The following TSPEAR variants were observed in gnomAD, a reference collection of about 807,000 sequenced individuals.
TSPEAR encodes thrombospondin type laminin G domain and EAR repeats.
Under a neutral mutation model 71.6 loss-of-function variants are expected in TSPEAR, and 69 were observed. The ratio of observed to expected loss-of-function variants is 0.96; its 90% CI spans 0.79 to 1.18. TSPEAR has a LOEUF of 1.18. TSPEAR is among the 50% of genes most tolerant of loss of function. The pLI is 0.00. For synonymous variants in TSPEAR, 402 were observed against 387.2 expected, an observed-to-expected ratio of 1.04 and a Z score of -0.45; for missense variants, 971 against 894.9, an observed-to-expected ratio of 1.09 and a Z score of -1.09.
intron 1 of TSPEAR, chr21:44,627,754 C>A (rs1287397213): frequency 2.5e-6 from 4 of 1,595,662 alleles, no homozygotes; most frequent in Non-Finnish European, 3.4e-6. Context: ...CTGCTGCAAA[C>A]CCATCTGCTG....
At chr21:44,596,030 A>C (rs1601463629) in intron 1 of TSPEAR, among the ~76,000 whole-genome samples, 1 of 152,198 alleles carries the variant, frequency 6.6e-6, no homozygotes, top group Non-Finnish European at 1.5e-5. Flanking sequence ...GTCCAGGCAC[A>C]GTTAAATTGG....
Position 44,522,116 on chromosome 21 carries a change from G to A in TSPEAR, c.1337-4C>T, listed in dbSNP as rs2052746984. The A allele has an allele frequency of 6.2e-7, 1 of 1,613,624 alleles. No homozygotes were observed. The highest frequency in any genetic ancestry group is 8.5e-7 in the Non-Finnish European group (1 of 1,179,714). Reference sequence around the variant, plus strand: ...CTGTCGATGTTGTGGTTGTCGCCTGGAACCAAGGGACTGTGCTGGGGGCAG... The same window carrying A: ...CTGTCGATGTTGTGGTTGTCGCCTGAAACCAAGGGACTGTGCTGGGGGCAG... On this transcript the variant is annotated splice_polypyrimidine_tract_variant and splice_region_variant and intron_variant, in intron 8 of 11. Transcript: ENST00000323084.
In TSPEAR at chr21:44,509,387, C is replaced by T. The variant is rs143406695; in HGVS notation, c.1567-1G>A. The T allele has an allele frequency of 3.1e-6, 5 of 1,611,442 alleles. No homozygotes were observed. The African/African-American group carries it at 5.4e-5, about 17-fold the overall frequency. ...CCTCCCAGTCTGCAGCACCGAACGT[C>T]TAGGACCAAAGGAGAGCAGGTGCAG... On this transcript the variant is annotated splice_acceptor_variant, in intron 9 of 11. Transcript: ENST00000323084. LOFTEE classifies it high-confidence loss of function.
intron 1 of TSPEAR, chr21:44,677,470 A>T: frequency 1.2e-6 from 1 of 834,300 alleles, no homozygotes; most frequent in South Asian, 1.4e-5. Flanking sequence ...TTGGCTAGAG[A>T]CTCAGTTTTA....
At position 44,525,703 on chromosome 21, in the gene TSPEAR, G is replaced by T; in HGVS notation, c.1286C>A (p.Ala429Asp). 1.9e-6 allele frequency: 3 copies of T among 1,614,150 alleles called. No individual in the cohort carries two copies. The highest frequency in any genetic ancestry group is 1.7e-5 in the Admixed American group (1 of 60,032). ...IATHSARDWE[A>D]FEVDGEHFLA... ...GAAGTGCTCCCCATCCACCTCGAAGGCCTCCCAGTCTCGGGCGCTGTGTGT... is the reference window on the plus strand; with the variant it reads ...GAAGTGCTCCCCATCCACCTCGAAGTCCTCCCAGTCTCGGGCGCTGTGTGT... The change falls in exon 8 of 12, where the codon GCC (alanine) becomes GAC (aspartate). Residue 429 changes from alanine to aspartate, a missense_variant. Coordinates refer to ENST00000323084, the MANE Select transcript of TSPEAR (RefSeq NM_144991.3).
At chr21:44,614,887 C>T (rs1217658218) in intron 1 of TSPEAR, among the ~76,000 whole-genome samples, 2 of 152,214 alleles carry the variant, frequency 1.3e-5, no homozygotes, top group Non-Finnish European at 2.9e-5. Context: ...CTACTCCCAC[C>T]CAGCGGCCCA....
At chr21:44,635,257 A>C (rs972020034) in intron 1 of TSPEAR, among the ~76,000 whole-genome samples, 1 of 151,192 alleles carries the variant, frequency 6.6e-6, no homozygotes, top group Admixed American at 6.6e-5. Flanking sequence ...GAGGCAGGAG[A>C]ATCACTTGTA....
chr21:44,707,401 G>A (rs1019343205), intron 1 of TSPEAR, among the ~76,000 whole-genome samples: 2 of 152,218 alleles, frequency 1.3e-5, no homozygotes, highest in Non-Finnish European at 2.9e-5. Flanking sequence ...GCAGGGAGGG[G>A]CAGAGGAGGG....
At chr21:44,509,020 C>T (rs1256115781) in intron 10 of TSPEAR, 179 bp downstream of exon 10, 40 of 1,464,178 alleles carry the variant, frequency 2.7e-5, no homozygotes, top group Non-Finnish European at 3.4e-5. Flanking sequence ...TTCCCCAGGC[C>T]AGGAAAGTCC....
chr21:44,602,821 C>A (rs1230334835), intron 1 of TSPEAR, among the ~76,000 whole-genome samples: 3 of 152,172 alleles, frequency 2.0e-5, no homozygotes, highest in Non-Finnish European at 4.4e-5. Context: ...AGCCTGGTGC[C>A]CCTGGACTCG....
At chr21:44,676,826 G>C in intron 1 of TSPEAR, 2 of 952,424 alleles carry the variant, frequency 2.1e-6, no homozygotes, top group South Asian at 2.6e-5. Context: ...TTTTCTTCCA[G>C]CGTTTGTTTC....
intron 1 of TSPEAR, among the ~76,000 whole-genome samples, chr21:44,700,821 C>G (rs368071422): frequency 2.0e-5 from 3 of 152,198 alleles, no homozygotes; most frequent in South Asian, 4.1e-4. Context: ...AGGAAGCCTT[C>G]GTGACCTGTT....
chr21:44,660,696 G>A (rs955220330), intron 1 of TSPEAR, among the ~76,000 whole-genome samples: 14 of 152,324 alleles, frequency 9.2e-5, no homozygotes, highest in South Asian at 6.2e-4. Context: ...GCTGGGTGCC[G>A]TGATTCATGT....
intron 2 of TSPEAR, among the ~76,000 whole-genome samples, chr21:44,560,680 A>G (rs1157846570): frequency 6.6e-6 from 1 of 152,190 alleles, no homozygotes; most frequent in Non-Finnish European, 1.5e-5. Flanking sequence ...TAAGAAACTC[A>G]CTCAAAACCA....
At position 44,506,998 on chromosome 21, in the gene TSPEAR, A is replaced by G. The variant is rs1286807013; in HGVS notation, c.1755-2117T>C. 6.6e-6 allele frequency: 1 copy of G among 152,256 alleles called. No homozygotes were observed. Among genetic ancestry groups the G allele is most frequent in the African/African-American group, 2.4e-5 (1 of 41,458 alleles). The allele number at this position is 152,256 out of a possible 1,614,324, so 9.4% of individuals were successfully genotyped here. ...TCTGGCAAATGCCCATCATCGGACA[A>G]ATGGACGGATGAAGTGTGACTCAGC... On this transcript the variant is annotated intron_variant, in intron 10 of 11. Transcript: ENST00000323084. The surrounding 1 kb of genome is among the most constrained non-coding windows in gnomAD (Gnocchi z 4.2).
intron 1 of TSPEAR, among the ~76,000 whole-genome samples, chr21:44,694,863 G>C (rs1056289063): frequency 3.9e-5 from 6 of 152,162 alleles, no homozygotes; most frequent in Non-Finnish European, 8.8e-5. Flanking sequence ...CCCGTGAGCC[G>C]GTGCAGCATG....
intron 1 of TSPEAR, chr21:44,601,303 T>C (rs1555928694): frequency 6.2e-7 from 1 of 1,611,734 alleles, no homozygotes; most frequent in Non-Finnish European, 8.5e-7. Context: ...CCAGCAGGCC[T>C]GCTGTGTGCC....
At position 44,612,266 on chromosome 21, in the gene TSPEAR, T is replaced by C; in HGVS notation, c.83-44261A>G. 1 of 1,613,570 alleles carries C rather than the reference T, an allele frequency of 6.2e-7. No individual in the cohort carries two copies. The highest frequency in any genetic ancestry group is 8.5e-7 in the Non-Finnish European group (1 of 1,179,988). On this transcript the variant is annotated intron_variant, in intron 1 of 11. Coordinates refer to ENST00000323084, the MANE Select transcript of TSPEAR (RefSeq NM_144991.3). The surrounding 1 kb of genome is among the most constrained non-coding windows in gnomAD (Gnocchi z 4.1). ...GGAAAGCTGCTGCGAGCCCCGCTCC[T>C]GTGCCTCCAGCTGCTGTACCCCTAG...
intron 2 of TSPEAR, among the ~76,000 whole-genome samples, chr21:44,562,544 A>C (rs2053651796): frequency 6.6e-6 from 1 of 152,224 alleles, no homozygotes; most frequent in African/African-American, 2.4e-5. Flanking sequence ...GTGGAGACAC[A>C]CAAAAGATAC....
Sources: allele counts gnomAD v4.1 joint callset (sites outside exome capture counted in the v4.1 genomes callset), GRCh38; gene constraint gnomAD v4.1.1; non-coding constraint Gnocchi (gnomAD v3.1); transcripts MANE v1.5; gene names NCBI Gene and HGNC (gene_info 2026-07-23, HGNC 2026-07-21).